TRAPPC10: variants seen among roughly 807,000 people sequenced by gnomAD.
TRAPPC10 encodes the protein trafficking protein particle complex subunit 10.
In TRAPPC10, 23 loss-of-function variants were observed where a neutral mutation model predicts 125.5. The ratio of observed to expected loss-of-function variants is 0.18; its 90% CI spans 0.13 to 0.26. TRAPPC10 has a LOEUF of 0.26. Among genes scored for constraint, TRAPPC10 ranks in the 10% least tolerant of loss-of-function variants. The pLI is 1.00. For synonymous variants in TRAPPC10, 509 were observed against 518.0 expected (o/e 0.98, Z 0.24); for missense variants, 1,123 against 1,308.4 (o/e 0.86, Z 2.19).
chr21:44,047,652 C>G (rs915385582), intron 3 of TRAPPC10, among the ~76,000 whole-genome samples: 1 of 151,602 alleles, frequency 6.6e-6, no homozygotes, highest in Middle Eastern at 3.4e-3. Context: ...CTTGGTGTTT[C>G]ATTTGTGTAA....
At chr21:44,074,194 C>A in intron 7 of TRAPPC10, 130 bp from the exon 8 acceptor site, 1 of 1,104,470 alleles carries the variant, frequency 9.1e-7, no homozygotes, top group Non-Finnish European at 1.3e-6. Context: ...CTGCATATCA[C>A]AGAACTGTTA....
Position 44,063,697 on chromosome 21 carries a change from T to G in TRAPPC10, c.950T>G (p.Leu317Trp). ...RSYLFSRQCT[L>W]LLFLQRPWEV... ...TACCTGTTCTCTCGCCAGTGCACCT[T>G]GCTGCTCTTCCTGCAGAGGCCGTGG... The change falls in exon 7 of 23, where the codon TTG becomes TGG. Residue 317 changes from leucine (L) to tryptophan (W), a missense_variant. This residue lies in a region of TRAPPC10 where 91 missense variants were observed against 127.1 expected (regional missense o/e 0.72). Transcript: ENST00000291574. The surrounding 1 kb of genome is among the most constrained non-coding windows in gnomAD (Gnocchi z 4.4). 6.2e-7 allele frequency: 1 copy of G among 1,614,202 alleles called. No homozygotes were observed. Among genetic ancestry groups the G allele is most frequent in the Non-Finnish European group, 8.5e-7 (1 of 1,180,026 alleles).
At chr21:44,092,133 G>A in intron 19 of TRAPPC10, 84 bp downstream of exon 19, 2 of 1,537,972 alleles carry the variant, frequency 1.3e-6, no homozygotes, top group Middle Eastern at 1.8e-4. Context: ...TTGCGACTGA[G>A]CCTTTAGATA....
Position 44,012,525 on chromosome 21 carries a change from T to C in TRAPPC10, c.32T>C (p.Val11Ala), listed in dbSNP as rs1415312379. 1 of 1,505,704 alleles carries C rather than the reference T, an allele frequency of 6.6e-7. No homozygotes were observed. Among genetic ancestry groups the C allele is most frequent in the Non-Finnish European group, 8.9e-7 (1 of 1,125,610 alleles). 93.3% of individuals were successfully genotyped at this position (1,505,704 alleles called of 1,614,324 possible). The change falls in exon 1 of 23, where the codon GTG becomes GCG. Residue 11 changes from valine (V) to alanine (A), a missense_variant. By Grantham distance (64) the Val-to-Ala change is moderately conservative. Transcript: ENST00000291574. MDASEEPLPP[V>A]IYTMENKPIV... The stretch of plus-strand genomic sequence containing the variant: ...GCCTCTGAGGAGCCGCTGCCGCCGG[T>C]GATCTACACCATGGAGAACAAGCCC...
chr21:44,065,485 T>G (rs1228014766), intron 7 of TRAPPC10, among the ~76,000 whole-genome samples: 1 of 152,204 alleles, frequency 6.6e-6, no homozygotes, highest in African/African-American at 2.4e-5. Flanking sequence ...TCATAGCTAT[T>G]GCACCTCTTT....
chr21:44,047,613 A>C (rs1465460375), intron 3 of TRAPPC10, among the ~76,000 whole-genome samples: 1 of 149,898 alleles, frequency 6.7e-6, no homozygotes, highest in African/African-American at 2.5e-5. Context: ...TAATCTGTTG[A>C]TATTTTTTGT....
chr21:44,088,697 C>T (rs1395664275), intron 17 of TRAPPC10: 3 of 155,364 alleles, frequency 1.9e-5, no homozygotes, highest in South Asian at 1.7e-4. Flanking sequence ...TCAGCAGGAG[C>T]GCGCAGCACT....
chr21:44,092,297 G>A (rs1288960372), intron 19 of TRAPPC10, among the ~76,000 whole-genome samples: 1 of 152,192 alleles, frequency 6.6e-6, no homozygotes, highest in Non-Finnish European at 1.5e-5. Context: ...CACTCTATGC[G>A]TAGACGTGTG....
chr21:44,063,466 T>C lies in TRAPPC10; in HGVS notation c.791-72T>C. The C allele has an allele frequency of 6.4e-7, 1 of 1,570,292 alleles. No homozygotes were observed. The highest frequency in any genetic ancestry group is 8.6e-7 in the Non-Finnish European group (1 of 1,157,394). On this transcript the variant is annotated intron_variant, in intron 6 of 22. Transcript: ENST00000291574. This position sits in a 1 kb window ranked among gnomAD's most constrained non-coding sequence, Gnocchi z 4.4. ...GAAGCTGCCTGTTTGCCCACCATCC[T>C]CAGCCTGAGCAGGAAGCTCAGGAAG...
rs1233460778 is a variant in TRAPPC10, at chr21:44,055,773, C to G, written c.558C>G (p.Leu186=). 14 of 1,613,938 alleles carry G rather than the reference C, an allele frequency of 8.7e-6. No homozygotes were observed. Among genetic ancestry groups the G allele is most frequent in the African/African-American group, 1.3e-5 (1 of 75,020 alleles). Residue 186 remains leucine (L), a synonymous_variant, in exon 5 of 23, where the codon CTC becomes CTG. Transcript: ENST00000291574. ...CCTGGAATGCCTTCCTGACCAAACT[C>G]AGGACATTGCTTCTTATGTCTTTTA... is the stretch of plus-strand genomic sequence containing the variant. ...QESWNAFLTK[L]RTLLLMSFTK...
At chr21:44,084,074 T>C in intron 14 of TRAPPC10, 48 bp from the exon 15 acceptor site, 1 of 1,610,574 alleles carries the variant, frequency 6.2e-7, no homozygotes, top group Non-Finnish European at 8.5e-7. Flanking sequence ...GGAAGCTAAC[T>C]GCAAAACTGG....
chr21:44,091,401 C>T (rs2049252228), intron 18 of TRAPPC10, among the ~76,000 whole-genome samples: 1 of 152,042 alleles, frequency 6.6e-6, no homozygotes, highest in South Asian at 2.1e-4. Flanking sequence ...CTTCCATTGC[C>T]TCACAGAACT....
At position 44,081,567 on chromosome 21, in the gene TRAPPC10, C is replaced by T. The variant is rs552984209; in HGVS notation, c.1724-1221C>T. Among the ~76,000 whole-genome samples, 97 of 152,324 alleles carry T rather than the reference C, an allele frequency of 6.4e-4. 1 individual carries two copies. The highest frequency in any genetic ancestry group is 2.2e-3 in the African/African-American group (92 of 41,590). ...GAGCCACCACGCTGGGCCCCAGATG[C>T]TTGTAAGTGAATACACCCCAGCAGT... On this transcript the variant is annotated intron_variant, in intron 13 of 22. Transcript: ENST00000291574.
Position 44,012,427 on chromosome 21 carries a change from T to A in TRAPPC10, c.-67T>A. 1 of 1,049,202 alleles carries A rather than the reference T, an allele frequency of 9.5e-7. No individual in the cohort carries two copies. The highest frequency in any genetic ancestry group is 6.4e-5 in the East Asian group (1 of 15,716). The allele number at this position is 1,049,202 out of a possible 1,614,324, so 65.0% of individuals were successfully genotyped here. ...GCGCCGCTCAGGCTCGGGCTCCGGC[T>A]GGGCCCGGCGCGGCCTCGGGGCTGC... On this transcript the variant is annotated 5_prime_UTR_variant, in exon 1 of 23. Coordinates refer to ENST00000291574, the MANE Select transcript of TRAPPC10 (RefSeq NM_003274.5).
intron 6 of TRAPPC10, among the ~76,000 whole-genome samples, chr21:44,061,397 G>A (rs2036045760): frequency 6.6e-6 from 1 of 152,042 alleles, no homozygotes; most frequent in African/African-American, 2.4e-5. Context: ...GCCTCCCAAA[G>A]TGCTGGGATT....
At chr21:44,075,616 G>T (rs964509126) in intron 9 of TRAPPC10, among the ~76,000 whole-genome samples, 4 of 152,104 alleles carry the variant, frequency 2.6e-5, no homozygotes, top group African/African-American at 9.7e-5. Context: ...CTCCCAGGTA[G>T]CTGGGACTAC....
At chr21:44,083,926 A>G (rs1275706452) in intron 14 of TRAPPC10, among the ~76,000 whole-genome samples, 196 bp from the exon 15 acceptor site, 1 of 152,242 alleles carries the variant, frequency 6.6e-6, no homozygotes, top group Non-Finnish European at 1.5e-5. Context: ...TTACTCAGAA[A>G]ATCACGAATT....
At chr21:44,018,143 C>CT (rs60369997) in intron 1 of TRAPPC10, among the ~76,000 whole-genome samples, 37 of 148,198 alleles carry the variant, frequency 2.5e-4, no homozygotes, top group Non-Finnish European at 2.7e-4. Context: ...GTCTGATTTT[C>CT]TTTTTTTTTT....
At chr21:44,025,792 G>T (rs2032984285) in intron 1 of TRAPPC10, among the ~76,000 whole-genome samples, 1 of 149,638 alleles carries the variant, frequency 6.7e-6, no homozygotes, top group South Asian at 2.1e-4. Flanking sequence ...CATATGACTG[G>T]GTGCTGGGAG....
Sources: gnomAD v4.1 joint callset for allele counts (sites outside exome capture counted in the v4.1 genomes callset) on GRCh38, gnomAD v4.1.1 for gene constraint, gnomAD v4.1.1 regional missense constraint, Gnocchi (gnomAD v3.1) non-coding constraint, MANE v1.5 for transcripts, NCBI Gene and HGNC (gene_info 2026-07-23, HGNC 2026-07-21) for gene names.